Variants in IDE observed in about 807,000 individuals in gnomAD.
The protein encoded by IDE is insulin-degrading enzyme.
A neutral mutation model predicts 133.2 loss-of-function variants in IDE; 58 were observed. The ratio of observed to expected loss-of-function variants is 0.44; its 90% CI spans 0.35 to 0.54. The LOEUF (loss-of-function observed/expected upper bound fraction) is 0.54, where lower values mean the gene tolerates loss of function less well. Ranked by LOEUF, IDE falls within the 20% of genes least tolerant of loss-of-function variation. The probability of loss-of-function intolerance (pLI) is 0.00; values close to 1 mark genes in which losing one functional copy is unlikely to be tolerated. For missense variants in IDE, 981 were observed against 1,234.0 expected, an observed-to-expected ratio of 0.79 and a Z score of 3.07; for synonymous variants, 396 against 421.3, an observed-to-expected ratio of 0.94 and a Z score of 0.73.
intron 11 of IDE, among the ~76,000 whole-genome samples, chr10:92,492,835 T>C (rs1847443895): frequency 6.6e-6 from 1 of 152,180 alleles, no homozygotes; most frequent in Non-Finnish European, 1.5e-5. Flanking sequence ...TAGTCTGAAC[T>C]ACTGTCTATT....
intron 4 of IDE, among the ~76,000 whole-genome samples, chr10:92,517,051 G>T (rs910239736): frequency 2.6e-5 from 4 of 152,158 alleles, no homozygotes; most frequent in African/African-American, 7.2e-5. Context: ...GTGAGATCCT[G>T]TCTTTCTTCT....
At chr10:92,461,985 T>C (rs1299785115) in intron 21 of IDE, among the ~76,000 whole-genome samples, 3 of 147,964 alleles carry the variant, frequency 2.0e-5, no homozygotes, top group African/African-American at 4.9e-5. Context: ...AGCATCCACA[T>C]TTTTACGTGA....
At chr10:92,565,450 T>C (rs920894578) in intron 1 of IDE, among the ~76,000 whole-genome samples, 1 of 151,464 alleles carries the variant, frequency 6.6e-6, no homozygotes, top group Non-Finnish European at 1.5e-5. Context: ...AAATGGTATT[T>C]GTTCTTTTCT....
At chr10:92,458,133 C>A (rs1845128779) in intron 22 of IDE, among the ~76,000 whole-genome samples, 1 of 152,094 alleles carries the variant, frequency 6.6e-6, no homozygotes, top group Admixed American at 6.6e-5. Flanking sequence ...CCTCATTTTT[C>A]TAAAAACAAA....
chr10:92,455,995 G>C (rs1263504492), intron 23 of IDE, among the ~76,000 whole-genome samples: 1 of 152,136 alleles, frequency 6.6e-6, no homozygotes. Flanking sequence ...AGAAAGCAAG[G>C]GAGTTAATGG....
At chr10:92,462,735 T>C (rs549914076) in intron 21 of IDE, among the ~76,000 whole-genome samples, 1 of 152,218 alleles carries the variant, frequency 6.6e-6, no homozygotes, top group African/African-American at 2.4e-5. Flanking sequence ...ACCTCAACTT[T>C]TCTAAGCCTC....
chr10:92,550,681 C>T lies in IDE; in HGVS notation c.99-13131G>A, dbSNP rs575664935. 5.0e-5 allele frequency among the ~76,000 whole-genome samples: 7 copies of T among 138,858 alleles called. No homozygotes were observed. The South Asian group carries it at 1.6e-3, about 31-fold the overall frequency. The allele number at this position is 138,858 out of a possible 152,430, so 91.1% of individuals were successfully genotyped here. ...AAAAAAAAAAAAAAAAAAATCGTGG[C>T]CAACATGGTGAAACCCCGTTTCTAC... On this transcript the variant is annotated intron_variant, in intron 1 of 24. Coordinates refer to ENST00000265986, the MANE Select transcript of IDE (RefSeq NM_004969.4).
chr10:92,531,960 T>G, intron 3 of IDE, 43 bp from the exon 4 acceptor site: 12 of 1,339,928 alleles, frequency 9.0e-6, no homozygotes, highest in Non-Finnish European at 1.2e-5. Context: ...GATGTCATTT[T>G]AAAACAATAG....
intron 1 of IDE, among the ~76,000 whole-genome samples, chr10:92,565,167 C>G (rs551759343): frequency 6.6e-6 from 1 of 150,980 alleles, no homozygotes; most frequent in East Asian, 1.9e-4. Context: ...TTGCTTGAAC[C>G]CAGGAGGCGG....
intron 1 of IDE, among the ~76,000 whole-genome samples, chr10:92,573,350 TA>T (rs1210729933): frequency 3.9e-5 from 6 of 152,174 alleles, no homozygotes; most frequent in Non-Finnish European, 7.3e-5. Flanking sequence ...TTTTGGCTCC[TA>T]AATGTCCCCC....
At chr10:92,560,303 T>A (rs996680772) in intron 1 of IDE, among the ~76,000 whole-genome samples, 1 of 152,198 alleles carries the variant, frequency 6.6e-6, no homozygotes, top group Non-Finnish European at 1.5e-5. Context: ...AGTGTCAACG[T>A]TCCTATCTGC....
chr10:92,468,070 T>C (rs531391629), intron 19 of IDE, among the ~76,000 whole-genome samples: 1 of 152,316 alleles, frequency 6.6e-6, no homozygotes, highest in Admixed American at 6.5e-5. Context: ...GATGTGATTA[T>C]TTCTAGCTGG....
Position 92,501,498 on chromosome 10 carries a change from T to A in IDE, c.1430+3296A>T, listed in dbSNP as rs547696442. On this transcript the variant is annotated intron_variant, in intron 11 of 24. Coordinates refer to ENST00000265986, the MANE Select transcript of IDE (RefSeq NM_004969.4). ...CATCCTGGCCAACATGGTGAAACCCTGTCTCTACTAAAAATACAAAAATTA... is the reference window on the plus strand; with the variant it reads ...CATCCTGGCCAACATGGTGAAACCCAGTCTCTACTAAAAATACAAAAATTA... Among the ~76,000 whole-genome samples, 400 of 141,106 alleles carry A rather than the reference T, an allele frequency of 2.8e-3. 1 individual carries two copies. The highest frequency in any genetic ancestry group is 0.01 in the African/African-American group (383 of 37,074). The allele number at this position is 141,106 out of a possible 152,430, so 92.6% of individuals were successfully genotyped here. A position where few individuals can be genotyped will look rare whatever the true frequency, so the allele number is the denominator to read the frequency against.
intron 11 of IDE, among the ~76,000 whole-genome samples, chr10:92,502,066 C>T (rs1244266306): frequency 2.0e-5 from 3 of 151,910 alleles, no homozygotes. Flanking sequence ...CACTTAAGCC[C>T]AAGAGGTCAA....
intron 13 of IDE, among the ~76,000 whole-genome samples, chr10:92,484,569 T>A (rs1405341879): frequency 4.6e-5 from 7 of 151,684 alleles, no homozygotes; most frequent in Non-Finnish European, 8.8e-5. Context: ...CCTGTCTCTA[T>A]TAAAAATACA....
intron 1 of IDE, among the ~76,000 whole-genome samples, chr10:92,557,749 G>A (rs4933728): frequency 0.1 from 15,283 of 151,538 alleles, 893 homozygotes; most frequent in South Asian, 0.17. Context: ...AATTATCTGG[G>A]CATGGTGGCC....
chr10:92,547,464 A>G (rs948541822), intron 1 of IDE, among the ~76,000 whole-genome samples: 1 of 152,162 alleles, frequency 6.6e-6, no homozygotes, highest in African/African-American at 2.4e-5. Flanking sequence ...AGCCTTCTAA[A>G]AAAAGCAAAC....
At chr10:92,507,858 G>C (rs1458971221) in intron 8 of IDE, among the ~76,000 whole-genome samples, 192 bp from the exon 9 acceptor site, 1 of 152,182 alleles carries the variant, frequency 6.6e-6, no homozygotes, top group East Asian at 1.9e-4. Context: ...GACAGAAAGG[G>C]TGTTGGGGCA....
rs907662658 is a variant in IDE, at chr10:92,456,355, T to G, written c.2896+4A>C. 5.6e-6 allele frequency: 9 copies of G among 1,609,254 alleles called. No homozygotes were observed. The highest frequency in any genetic ancestry group is 5.5e-5 in the South Asian group (5 of 90,994). ...AGCCTAAAAAGGCAACATTTGATAC[T>G]TACAAGAATCCATTTCCCTGGCAAG... On this transcript the variant is annotated splice_donor_region_variant and intron_variant, in intron 23 of 24. Transcript: ENST00000265986.
Sources: allele counts gnomAD v4.1 joint callset (sites outside exome capture counted in the v4.1 genomes callset), GRCh38; gene constraint gnomAD v4.1.1; transcripts MANE v1.5; gene names NCBI Gene and HGNC (gene_info 2026-07-23, HGNC 2026-07-21).